The following ZNF385D variants were observed in gnomAD, a reference collection of about 807,000 sequenced individuals.
ZNF385D encodes the protein zinc finger protein 385D.
Under a neutral mutation model 35.8 loss-of-function variants are expected in ZNF385D, and 15 were observed. The ratio of observed to expected loss-of-function variants is 0.42; its 90% CI spans 0.28 to 0.64. The LOEUF is 0.64. Among genes scored for constraint, ZNF385D ranks in the 30% least tolerant of loss-of-function variants. The probability of loss-of-function intolerance (pLI) is 0.23; values close to 1 mark genes in which losing one functional copy is unlikely to be tolerated. For missense variants in ZNF385D, 474 were observed against 494.6 expected (o/e 0.96, Z 0.39); for synonymous variants, 212 against 186.8 (o/e 1.13, Z -1.10).
chr3:21,953,314 A>C lies in ZNF385D; in HGVS notation c.325+215503T>G, dbSNP rs945980714. On this transcript the variant is annotated intron_variant, in intron 3 of 5. Transcript: ENST00000494108. ...CATCAAGCTCAATAGGTAATTATTT[A>C]GTTTTTGGATGACAGTAAAATATCT... is the stretch of plus-strand genomic sequence containing the variant. 5.9e-5 allele frequency among the ~76,000 whole-genome samples: 9 copies of C among 151,402 alleles called. No individual in the cohort carries two copies. The Admixed American group carries it at 6.0e-4, about 10-fold the overall frequency.
At chr3:21,949,546 C>CTTTTTTTTTTTTTTT (rs1553705221) in intron 3 of ZNF385D, among the ~76,000 whole-genome samples, 1 of 31,166 alleles carries the variant, frequency 3.2e-5, no homozygotes, top group Non-Finnish European at 6.6e-5. Flanking sequence ...TCCTTCTTTT[C>CTTTTTTTTTTTTTTT]TTTCTTTCTT....
intron 2 of ZNF385D, among the ~76,000 whole-genome samples, chr3:22,298,350 G>T (rs1308903858): frequency 7.2e-6 from 1 of 138,028 alleles, no homozygotes; most frequent in Non-Finnish European, 1.6e-5. Flanking sequence ...CAGCAAAGGA[G>T]GAGAAGAGGA....
intron 1 of ZNF385D, among the ~76,000 whole-genome samples, chr3:21,734,696 G>T (rs1025467995): frequency 7.9e-5 from 12 of 152,106 alleles, no homozygotes; most frequent in Admixed American, 7.2e-4. Flanking sequence ...CAAAACCTGG[G>T]CTGCACTGAT....
chr3:21,813,829 T>G (rs1006288434), intron 3 of ZNF385D, among the ~76,000 whole-genome samples: 2 of 152,046 alleles, frequency 1.3e-5, no homozygotes, highest in African/African-American at 2.4e-5. Flanking sequence ...AGGCCAACAT[T>G]GAAATTCAGG....
At chr3:22,141,160 AT>A (rs1438742635) in intron 3 of ZNF385D, among the ~76,000 whole-genome samples, 4 of 152,228 alleles carry the variant, frequency 2.6e-5, no homozygotes, top group African/African-American at 9.6e-5. Context: ...TCCTAAAATA[AT>A]AAGAGAACAC....
chr3:22,105,777 T>C (rs1702180593), intron 3 of ZNF385D, among the ~76,000 whole-genome samples: 5 of 152,252 alleles, frequency 3.3e-5, no homozygotes, highest in African/African-American at 1.2e-4. Flanking sequence ...CTTTACTCAG[T>C]CCAATTCCAA....
chr3:21,693,211 A>G (rs2067342147), intron 1 of ZNF385D, among the ~76,000 whole-genome samples: 1 of 152,198 alleles, frequency 6.6e-6, no homozygotes, highest in South Asian at 2.1e-4. Context: ...TTAACATCCT[A>G]CGGTGACACT....
intron 2 of ZNF385D, among the ~76,000 whole-genome samples, chr3:22,321,338 C>A (rs1460044668): frequency 1.3e-5 from 2 of 151,604 alleles, no homozygotes; most frequent in African/African-American, 4.9e-5. Flanking sequence ...GGGATTCAGT[C>A]TATATATATG....
At chr3:22,024,612 A>G (rs945587290) in intron 3 of ZNF385D, among the ~76,000 whole-genome samples, 1 of 152,156 alleles carries the variant, frequency 6.6e-6, no homozygotes, top group Non-Finnish European at 1.5e-5. Flanking sequence ...TAGTATCATT[A>G]ACTTCTAATT....
chr3:22,242,714 A>C (rs1295836053), intron 2 of ZNF385D, among the ~76,000 whole-genome samples: 1 of 151,180 alleles, frequency 6.6e-6, no homozygotes, highest in Non-Finnish European at 1.5e-5. Context: ...ATCAGGAGAA[A>C]ACAATCACTA....
chr3:21,980,330 T>G (rs1249465952), intron 3 of ZNF385D, among the ~76,000 whole-genome samples: 1 of 152,164 alleles, frequency 6.6e-6, no homozygotes, highest in Non-Finnish European at 1.5e-5. Flanking sequence ...GCTTTTGAAT[T>G]CCTGACTCAT....
At chr3:21,854,855 C>G (rs1166720596) in intron 3 of ZNF385D, among the ~76,000 whole-genome samples, 1 of 151,912 alleles carries the variant, frequency 6.6e-6, no homozygotes, top group Non-Finnish European at 1.5e-5. Flanking sequence ...CATTGGGTAA[C>G]AGTGATATGG....
At chr3:21,460,531 T>C (rs1183888423) in intron 4 of ZNF385D, among the ~76,000 whole-genome samples, 2 of 152,196 alleles carry the variant, frequency 1.3e-5, no homozygotes, top group Non-Finnish European at 1.5e-5. Context: ...TAAAAAATTA[T>C]TATATTGCAT....
chr3:21,889,550 A>T (rs1464484242), intron 3 of ZNF385D, among the ~76,000 whole-genome samples: 1 of 152,120 alleles, frequency 6.6e-6, no homozygotes, highest in Non-Finnish European at 1.5e-5. Context: ...ATTTTATATT[A>T]ATTAGAATCA....
chr3:21,645,818 G>C (rs2065734903), intron 2 of ZNF385D, among the ~76,000 whole-genome samples: 1 of 152,160 alleles, frequency 6.6e-6, no homozygotes, highest in African/African-American at 2.4e-5. Context: ...CTAAGTCACA[G>C]TTCTGGGTCT....
intron 3 of ZNF385D, among the ~76,000 whole-genome samples, chr3:22,108,014 T>C (rs926592811): frequency 1.3e-5 from 2 of 151,626 alleles, no homozygotes; most frequent in Non-Finnish European, 2.9e-5. Flanking sequence ...CCTTATACCA[T>C]GTGACGATGC....
At chr3:21,905,205 C>CAAAA (rs63147760) in intron 3 of ZNF385D, among the ~76,000 whole-genome samples, 9,852 of 68,252 alleles carry the variant, frequency 0.14, 390 homozygotes, top group Non-Finnish European at 0.16. Context: ...ACAAAAAATC[C>CAAAA]AAAAAAAAAA....
chr3:21,984,682 G>T (rs1694704973), intron 3 of ZNF385D, among the ~76,000 whole-genome samples: 1 of 112,598 alleles, frequency 8.9e-6, no homozygotes, highest in African/African-American at 3.4e-5. Flanking sequence ...CTTTAAAGTA[G>T]TTTTTTCCAA....
intron 3 of ZNF385D, among the ~76,000 whole-genome samples, chr3:22,144,403 CT>C (rs1008627438): frequency 6.6e-6 from 1 of 151,576 alleles, no homozygotes; most frequent in African/African-American, 2.4e-5. Flanking sequence ...GTGAAACCCC[CT>C]CTCTATTAAA....
Sources: gnomAD v4.1 joint callset for allele counts (sites outside exome capture counted in the v4.1 genomes callset) on GRCh38, gnomAD v4.1.1 for gene constraint, MANE v1.5 for transcripts, NCBI Gene and HGNC (gene_info 2026-07-23, HGNC 2026-07-21) for gene names.